Variants in RENBP observed in about 807,000 individuals in gnomAD.
The protein encoded by RENBP is renin binding protein, also known as N-acylglucosamine 2-epimerase.
Under a neutral mutation model 37.8 loss-of-function variants are expected in RENBP, and 16 were observed. That is an observed-to-expected ratio of 0.42 (90% CI 0.29 to 0.64). The LOEUF is 0.64. Among genes scored for constraint, RENBP ranks in the 30% least tolerant of loss-of-function variants. RENBP has a pLI of 0.19. For synonymous variants in RENBP, 170 were observed against 154.8 expected, an observed-to-expected ratio of 1.10 and a Z score of -0.73; for missense variants, 347 against 379.5, an observed-to-expected ratio of 0.91 and a Z score of 0.71.
At position 153,935,418 on chromosome X, in the gene RENBP, C is replaced by T; in HGVS notation, c.1166-14G>A. ...CGTGGAAGCAGCCTGCGGGTAGAGG[C>T]GGGCAGGTAGTGAGGGCCGGGGGCA... On this transcript the variant is annotated splice_polypyrimidine_tract_variant and intron_variant, in intron 10 of 10. Coordinates refer to ENST00000393700, the MANE Select transcript of RENBP (RefSeq NM_002910.6). 2 of 1,145,814 alleles carry T rather than the reference C, an allele frequency of 1.7e-6. No individual in the cohort carries two copies. Among genetic ancestry groups the T allele is most frequent in the Non-Finnish European group, 2.4e-6 (2 of 850,194 alleles). The allele number at this position is 1,145,814 out of a possible 1,213,427, so 94.4% of individuals were successfully genotyped here.
At chrX:153,944,058 T>C (rs1557110138) in intron 3 of RENBP, 22 bp downstream of exon 3, 1 of 1,206,462 alleles carries the variant, frequency 8.3e-7, no homozygotes, top group African/African-American at 1.7e-5. Flanking sequence ...GTGCCTGAGC[T>C]TCCAGGCTGG....
intron 3 of RENBP, 33 bp downstream of exon 3, chrX:153,944,045 CGT>C: frequency 8.3e-7 from 1 of 1,205,842 alleles, no homozygotes. Context: ...GGCGATGGGC[CGT>C]GTGCCTGAGC....
intron 3 of RENBP, 34 bp downstream of exon 3, chrX:153,944,046 G>C: frequency 8.3e-7 from 1 of 1,204,604 alleles, no homozygotes; most frequent in Non-Finnish European, 1.1e-6. Flanking sequence ...GCGATGGGCC[G>C]TGTGCCTGAG....
chrX:153,940,248 G>C lies in RENBP; in HGVS notation c.946-15C>G, dbSNP rs781850864. On this transcript the variant is annotated splice_polypyrimidine_tract_variant and intron_variant, in intron 8 of 10. Coordinates refer to ENST00000393700, the MANE Select transcript of RENBP (RefSeq NM_002910.6). ...GCCCACTCCAGCTGAGGGGAGAGCA[G>C]GGGCAGGCATCTCAGCAGGAAACTC... 5.4e-5 allele frequency: 65 copies of C among 1,207,907 alleles called. No individual in the cohort carries two copies. The highest frequency in any genetic ancestry group is 6.8e-5 in the Non-Finnish European group (61 of 894,303).
chrX:153,940,911 G>T (rs781908440), intron 8 of RENBP, among the ~76,000 whole-genome samples: 1 of 111,268 alleles, frequency 9.0e-6, no homozygotes, highest in Non-Finnish European at 1.9e-5. Context: ...AGGCTGAGGC[G>T]GGCGGATCAC....
At chrX:153,939,225 C>G (rs782019287) in intron 9 of RENBP, among the ~76,000 whole-genome samples, 35 of 111,664 alleles carry the variant, frequency 3.1e-4, no homozygotes, top group African/African-American at 1.1e-3. Flanking sequence ...GTAGCTAGGA[C>G]TACAGGTGTG....
intron 8 of RENBP, among the ~76,000 whole-genome samples, 200 bp downstream of exon 8, chrX:153,941,278 T>A (rs1460535999): frequency 8.9e-6 from 1 of 111,825 alleles, no homozygotes; most frequent in Non-Finnish European, 1.9e-5. Context: ...CCCTGAATTC[T>A]TTCTTGGGCA....
At chrX:153,939,246 A>G (rs782134631) in intron 9 of RENBP, among the ~76,000 whole-genome samples, 1 of 111,578 alleles carries the variant, frequency 9.0e-6, no homozygotes, top group South Asian at 3.7e-4. Context: ...CATGACACCC[A>G]GCTAATTTTT....
At chrX:153,942,103 C>T (rs1289127305) in intron 6 of RENBP, 72 bp from the exon 7 acceptor site, 5 of 865,694 alleles carry the variant, frequency 5.8e-6, no homozygotes, top group African/African-American at 4.0e-5. Flanking sequence ...CTAGAAAGAC[C>T]CAGCTCCGGA....
At position 153,935,393 on chromosome X, in the gene RENBP, C is replaced by G; in HGVS notation, c.1177G>C (p.Val393Leu). 3.5e-6 allele frequency: 4 copies of G among 1,152,316 alleles called. No homozygotes were observed. Among genetic ancestry groups the G allele is most frequent in the Non-Finnish European group, 4.6e-6 (4 of 862,594 alleles). 95.0% of individuals were successfully genotyped at this position (1,152,316 alleles called of 1,213,427 possible). A position where few individuals can be genotyped will look rare whatever the true frequency, so the allele number is the denominator to read the frequency against. ...TCGCACATGGCTAGGCACCGCGGCACGTGGAAGCAGCCTGCGGGTAGAGGC... is the reference window on the plus strand; with the variant it reads ...TCGCACATGGCTAGGCACCGCGGCAGGTGGAAGCAGCCTGCGGGTAGAGGC... ...KGGPFKGCFH[V>L]PRCLAMCEEM... Residue 393 changes from valine (V) to leucine (L), a missense_variant, in exon 11 of 11, where the codon GTG (valine) becomes CTG (leucine). Around this residue, in one of 3 missense-constraint regions of RENBP, gnomAD observed 91 missense variants for 67.7 expected, o/e 1.34. Transcript: ENST00000393700.
chrX:153,937,910 T>C (rs1254280506), intron 9 of RENBP, among the ~76,000 whole-genome samples: 1 of 111,313 alleles, frequency 9.0e-6, no homozygotes, highest in Non-Finnish European at 1.9e-5. Flanking sequence ...TTTGTATTTT[T>C]AGTAGAGACG....
At chrX:153,941,088 G>A (rs1423318450) in intron 8 of RENBP, among the ~76,000 whole-genome samples, 1 of 92,307 alleles carries the variant, frequency 1.1e-5, no homozygotes, top group East Asian at 3.5e-4. Context: ...GTGGTGAGCC[G>A]AGATGGCGCC....
chrX:153,941,925 G>GGGCCC, intron 7 of RENBP, 25 bp downstream of exon 7: 1 of 708,485 alleles, frequency 1.4e-6, no homozygotes, highest in Non-Finnish European at 2.3e-6. Flanking sequence ...CTCCTGGGTG[G>GGGCCC]CCCCCAGCCC....
Position 153,943,877 on chromosome X carries a change from C to CAGGA in RENBP, c.289+14_289+17dup. ...ATGGACGGAGTCACTGGGAGATGGGCAGGAAGGGGGCACCTACCTGCTTTT... is the reference window on the plus strand; with the variant it reads ...ATGGACGGAGTCACTGGGAGATGGGCAGGAAGGAAGGGGGCACCTACCTGCTTTT... On this transcript the variant is annotated intron_variant, in intron 4 of 10. Coordinates refer to ENST00000393700, the MANE Select transcript of RENBP (RefSeq NM_002910.6). 8.5e-7 allele frequency: 1 copy of CAGGA among 1,176,667 alleles called. No homozygotes were observed. Among genetic ancestry groups the CAGGA allele is most frequent in the East Asian group, 3.2e-5 (1 of 31,475 alleles).
Position 153,935,437 on chromosome X carries a change from G to C in RENBP, c.1166-33C>G, listed in dbSNP as rs782031567. On this transcript the variant is annotated intron_variant, in intron 10 of 10. Coordinates refer to ENST00000393700, the MANE Select transcript of RENBP (RefSeq NM_002910.6). Reference sequence around the variant, plus strand: ...TAGAGGCGGGCAGGTAGTGAGGGCCGGGGGCAGCCGAGAGGCGCAACCCCT... The same window carrying C: ...TAGAGGCGGGCAGGTAGTGAGGGCCCGGGGCAGCCGAGAGGCGCAACCCCT... The C allele has an allele frequency of 7.9e-6, 9 of 1,139,357 alleles. No individual in the cohort carries two copies. In the African/African-American group the frequency reaches 1.4e-4, roughly 18 times the overall value. The allele number at this position is 1,139,357 out of a possible 1,213,427, so 93.9% of individuals were successfully genotyped here.
chrX:153,943,754 C>T lies in RENBP; in HGVS notation c.290-36G>A. 3 of 1,194,634 alleles carry T rather than the reference C, an allele frequency of 2.5e-6. No individual in the cohort carries two copies. In the East Asian group the frequency reaches 8.9e-5, roughly 35 times the overall value. On this transcript the variant is annotated intron_variant, in intron 4 of 10. Coordinates refer to ENST00000393700, the MANE Select transcript of RENBP (RefSeq NM_002910.6). ...GGGGGTTGGCATGCCAGGGGTAAGGCCAGGACGCCCCGCACACACCACCCT... is the reference window on the plus strand; with the variant it reads ...GGGGGTTGGCATGCCAGGGGTAAGGTCAGGACGCCCCGCACACACCACCCT...
chrX:153,935,275 G>C lies in RENBP; in HGVS notation c.*11C>G. The stretch of plus-strand genomic sequence containing the variant: ...ACGCGCGCACAGCCGCAGGTGGAGC[G>C]GACTCAGCCTTTATTCCGCGCCTCG... On this transcript the variant is annotated 3_prime_UTR_variant, in exon 11 of 11. Transcript: ENST00000393700. The C allele has an allele frequency of 1.4e-6, 1 of 720,677 alleles. No homozygotes were observed. The highest frequency in any genetic ancestry group is 1.9e-6 in the Non-Finnish European group (1 of 540,504). 59.4% of individuals were successfully genotyped at this position (720,677 alleles called of 1,213,427 possible). A position where few individuals can be genotyped will look rare whatever the true frequency, so the allele number is the denominator to read the frequency against.
intron 9 of RENBP, among the ~76,000 whole-genome samples, chrX:153,938,796 G>GTTT (rs782397481): frequency 1.7e-3 from 130 of 75,001 alleles, no homozygotes; most frequent in African/African-American, 7.3e-3. Flanking sequence ...TTTTTTTTTT[G>GTTT]TTTTTTTTTT....
chrX:153,937,675 G>T (rs1311433810), intron 9 of RENBP, among the ~76,000 whole-genome samples: 1 of 107,456 alleles, frequency 9.3e-6, no homozygotes, highest in African/African-American at 3.4e-5. Context: ...GCCCAGGCTG[G>T]AGTGCTTCCC....
Sources: gnomAD v4.1 joint callset for allele counts (sites outside exome capture counted in the v4.1 genomes callset) on GRCh38, gnomAD v4.1.1 for gene constraint, gnomAD v4.1.1 regional missense constraint, MANE v1.5 for transcripts, NCBI Gene and HGNC (gene_info 2026-07-23, HGNC 2026-07-21) for gene names.